USF3: variants seen among roughly 807,000 people sequenced by gnomAD.
The protein encoded by USF3 is basic helix-loop-helix domain-containing protein USF3.
A neutral mutation model predicts 157.5 loss-of-function variants in USF3; 29 were observed. The ratio of observed to expected loss-of-function variants is 0.18; its 90% CI spans 0.14 to 0.25. USF3 has a LOEUF of 0.25. Ranked by LOEUF, USF3 falls within the 10% of genes least tolerant of loss-of-function variation. The probability of loss-of-function intolerance (pLI) is 1.00; values close to 1 mark genes in which losing one functional copy is unlikely to be tolerated. For synonymous variants in USF3, 893 were observed against 941.4 expected (o/e 0.95, Z 0.94); for missense variants, 2,381 against 2,667.6 (o/e 0.89, Z 2.37).
intron 1 of USF3, among the ~76,000 whole-genome samples, chr3:113,680,402 G>A (rs144775090): frequency 2.5e-3 from 374 of 152,066 alleles, no homozygotes; most frequent in African/African-American, 8.8e-3. Context: ...ATAGTAGTCT[G>A]TAATGATCCT....
intron 1 of USF3, 67 bp downstream of exon 1, chr3:113,696,303 C>A (rs1245480009): frequency 2.6e-5 from 4 of 152,388 alleles, no homozygotes; most frequent in Non-Finnish European, 5.9e-5. Context: ...CCTCCGGAGC[C>A]GCCCCCGCAG....
intron 1 of USF3, among the ~76,000 whole-genome samples, chr3:113,681,233 C>T (rs925566823): frequency 2.6e-5 from 4 of 152,030 alleles, no homozygotes; most frequent in Admixed American, 6.5e-5. Context: ...CCCGCCTCAA[C>T]CTCCCAAAGC....
chr3:113,682,683 C>T (rs1241176226), intron 1 of USF3, among the ~76,000 whole-genome samples: 1 of 152,114 alleles, frequency 6.6e-6, no homozygotes, highest in Non-Finnish European at 1.5e-5. Flanking sequence ...TATCCTCTTG[C>T]TGAAATGTTC....
intron 1 of USF3, among the ~76,000 whole-genome samples, chr3:113,689,156 G>C (rs544575815): frequency 6.6e-6 from 1 of 152,344 alleles, no homozygotes; most frequent in East Asian, 1.9e-4. Flanking sequence ...TCAGACTTGG[G>C]ATCACATCTC....
intron 1 of USF3, among the ~76,000 whole-genome samples, chr3:113,679,411 C>CTTT (rs34641216): frequency 7.6e-5 from 9 of 118,024 alleles, no homozygotes; most frequent in Non-Finnish European, 1.1e-4. Flanking sequence ...AGAGAAAGTT[C>CTTT]TTTTTTTTTT....
In USF3 at chr3:113,650,694, A is replaced by G. The variant is rs1947246880; in HGVS notation, c.*4250T>C. Reference sequence around the variant, plus strand: ...AATGTTAGAAGGCAAGAGCAAGGCAAATAAATTATCTTTAAAATACTTAAA... The same window carrying G: ...AATGTTAGAAGGCAAGAGCAAGGCAGATAAATTATCTTTAAAATACTTAAA... On this transcript the variant is annotated 3_prime_UTR_variant, in exon 7 of 7. Transcript: ENST00000316407. The G allele has an allele frequency of 6.6e-6, 1 of 152,248 alleles. No homozygotes were observed. Among genetic ancestry groups the G allele is most frequent in the Non-Finnish European group, 1.5e-5 (1 of 68,052 alleles). 9.4% of individuals were successfully genotyped at this position (152,248 alleles called of 1,614,324 possible).
chr3:113,664,288 AAAGT>A (rs769068210), intron 6 of USF3, 21 bp downstream of exon 6: 4 of 1,420,948 alleles, frequency 2.8e-6, no homozygotes, highest in Non-Finnish European at 3.9e-6. Flanking sequence ...AATACAACAA[AAAGT>A]AAGAACTTTT....
rs1947238756 is a variant in USF3, at chr3:113,650,331, A to C, written c.*4613T>G. 6.3e-6 allele frequency: 1 copy of C among 157,570 alleles called. No homozygotes were observed. The highest frequency in any genetic ancestry group is 1.4e-5 in the Non-Finnish European group (1 of 71,870). 9.8% of individuals were successfully genotyped at this position (157,570 alleles called of 1,614,324 possible). ...AGAAATTATTGTTGCTTTTTAAGAG[A>C]ATACAAGGCATACTGGTTCCCAAAG... On this transcript the variant is annotated 3_prime_UTR_variant, in exon 7 of 7. Coordinates refer to ENST00000316407, the MANE Select transcript of USF3 (RefSeq NM_001009899.4).
intron 5 of USF3, among the ~76,000 whole-genome samples, chr3:113,669,698 C>T (rs537464516): frequency 6.6e-6 from 1 of 152,070 alleles, no homozygotes; most frequent in Admixed American, 6.5e-5. Flanking sequence ...CACTGTCATA[C>T]TTTAAGCTGA....
At chr3:113,675,410 T>G (rs1294255924) in intron 2 of USF3, among the ~76,000 whole-genome samples, 1 of 152,196 alleles carries the variant, frequency 6.6e-6, no homozygotes, top group African/African-American at 2.4e-5. Flanking sequence ...GGGCATTAAC[T>G]TCAAACTGCT....
At chr3:113,666,536 AGCCACCAT>A (rs1205762232) in intron 5 of USF3, among the ~76,000 whole-genome samples, 3 of 140,876 alleles carry the variant, frequency 2.1e-5, no homozygotes, top group African/African-American at 7.9e-5. Flanking sequence ...TACAGGTGTG[AGCCACCAT>A]GCCTGGCCCC....
intron 1 of USF3, among the ~76,000 whole-genome samples, chr3:113,678,534 A>C (rs1186703936): frequency 6.6e-6 from 1 of 152,142 alleles, no homozygotes; most frequent in African/African-American, 2.4e-5. Flanking sequence ...TCTCAATGTA[A>C]AATTATTTAT....
rs763188735 is a variant in USF3, at chr3:113,661,320, G to A, written c.362C>T (p.Pro121Leu). ...KANDICLYDD[P>L]TIHWKGNLKN... ...AAGATTTCCTTTCCAGTGAATTGTC[G>A]GGTCATCATATAAGCATATGTCATT... Residue 121 changes from proline (P) to leucine (L), a missense_variant, in exon 7 of 7, where the codon CCG (proline) becomes CTG (leucine). Around this residue, in one of 6 missense-constraint regions of USF3, gnomAD observed 105 missense variants for 158.6 expected, o/e 0.66. Coordinates refer to ENST00000316407, the MANE Select transcript of USF3 (RefSeq NM_001009899.4). The A allele has an allele frequency of 1.1e-5, 18 of 1,613,628 alleles. No individual in the cohort carries two copies. Among genetic ancestry groups the A allele is most frequent in the African/African-American group, 8.0e-5 (6 of 74,852 alleles).
chr3:113,671,493 G>A (rs1021172326), intron 4 of USF3, among the ~76,000 whole-genome samples: 2 of 152,132 alleles, frequency 1.3e-5, no homozygotes, highest in Admixed American at 1.3e-4. Context: ...AGGCTTAAGT[G>A]TTACAAATTT....
At chr3:113,662,384 G>A (rs1004888769) in intron 6 of USF3, among the ~76,000 whole-genome samples, 1 of 152,098 alleles carries the variant, frequency 6.6e-6, no homozygotes, top group African/African-American at 2.4e-5. Context: ...CCACTAATGG[G>A]GCAGGCTTAG....
In USF3 at chr3:113,671,765, C is replaced by CTT. The variant is rs10686146; in HGVS notation, c.77-1564_77-1563dup. On this transcript the variant is annotated intron_variant, in intron 4 of 6. Coordinates refer to ENST00000316407, the MANE Select transcript of USF3 (RefSeq NM_001009899.4). ...TTTCTCCTTTTTTCTTTTCTTCTTC[C>CTT]TTTTTTTTTTTTTTTTTTTTTGAGA... is the stretch of plus-strand genomic sequence containing the variant. Among the ~76,000 whole-genome samples, 384 of 113,130 alleles carry CTT rather than the reference C, an allele frequency of 3.4e-3. 3 individuals are homozygous for CTT. The highest frequency in any genetic ancestry group is 7.7e-3 in the African/African-American group (226 of 29,454). The allele number at this position is 113,130 out of a possible 152,430, so 74.2% of individuals were successfully genotyped here.
Position 113,659,042 on chromosome 3 carries a change from TA to T in USF3, c.2639del (p.Val880AspfsTer18). On this transcript the variant is annotated frameshift_variant, in exon 7 of 7. Transcript: ENST00000316407. LOFTEE classifies it high-confidence loss of function. ...ACTTTTCTGCTGACTTAGATTTCGATACAGACTCAGGTATTAATGATTCAGA... is the reference window on the plus strand; with the variant it reads ...ACTTTTCTGCTGACTTAGATTTCGATCAGACTCAGGTATTAATGATTCAGA... ...LSSESLIPES[V>X]SKSKSAEKSS... is the part of the protein sequence containing the mutation. 1 of 1,614,158 alleles carries T rather than the reference TA, an allele frequency of 6.2e-7. No homozygotes were observed.
In USF3 at chr3:113,656,137, C is replaced by T. The variant is rs1947354123; in HGVS notation, c.5545G>A (p.Gly1849Ser). Residue 1849 changes from glycine (G) to serine (S), a missense_variant, in exon 7 of 7, where the codon GGT becomes AGT. Around this residue, in one of 6 missense-constraint regions of USF3, gnomAD observed 770 missense variants for 824.2 expected, o/e 0.93. Transcript: ENST00000316407. ...LSEHQRNTQC[G>S]PSSAIEYNCP... ...TTATATTCAATTGCAGAGGATGGACCACACTGTGTATTCCTCTGATGTTCT... is the reference window on the plus strand; with the variant it reads ...TTATATTCAATTGCAGAGGATGGACTACACTGTGTATTCCTCTGATGTTCT... 1 of 1,614,130 alleles carries T rather than the reference C, an allele frequency of 6.2e-7. No individual in the cohort carries two copies. The highest frequency in any genetic ancestry group is 8.5e-7 in the Non-Finnish European group (1 of 1,180,030).
At chr3:113,676,292 T>C (rs1045394494) in intron 2 of USF3, among the ~76,000 whole-genome samples, 3 of 152,208 alleles carry the variant, frequency 2.0e-5, no homozygotes, top group Non-Finnish European at 4.4e-5. Flanking sequence ...ATTGTCACGC[T>C]GCTATGAAGA....
Sources: gnomAD v4.1 joint callset for allele counts (sites outside exome capture counted in the v4.1 genomes callset) on GRCh38, gnomAD v4.1.1 for gene constraint, gnomAD v4.1.1 regional missense constraint, MANE v1.5 for transcripts, NCBI Gene and HGNC (gene_info 2026-07-23, HGNC 2026-07-21) for gene names.